The following CADM1 variants were observed in gnomAD, a reference collection of about 807,000 sequenced individuals.
CADM1 encodes TSLC-1.
A neutral mutation model predicts 53.1 loss-of-function variants in CADM1; 15 were observed. The ratio of observed to expected loss-of-function variants is 0.28; its 90% confidence interval spans 0.19 to 0.44. The LOEUF is 0.44. Among genes scored for constraint, CADM1 ranks in the 20% least tolerant of loss-of-function variants. The probability of loss-of-function intolerance (pLI) is 1.00; values close to 1 mark genes in which losing one functional copy is unlikely to be tolerated. For synonymous variants in CADM1, 281 were observed against 243.0 expected (o/e 1.16, Z -1.45); for missense variants, 434 against 611.3 (o/e 0.71, Z 3.06).
At chr11:115,282,607 C>T (rs146910575) in intron 1 of CADM1, among the ~76,000 whole-genome samples, 100 of 152,270 alleles carry the variant, frequency 6.6e-4, no homozygotes, top group African/African-American at 2.2e-3. Flanking sequence ...GCAATTTGCT[C>T]TCTGGGGAGC....
At chr11:115,446,033 G>C (rs1286426543) in intron 1 of CADM1, among the ~76,000 whole-genome samples, 2 of 152,124 alleles carry the variant, frequency 1.3e-5, no homozygotes, top group Non-Finnish European at 2.9e-5. Context: ...ATATTACTAA[G>C]TGCCTGTTAG....
intron 8 of CADM1, among the ~76,000 whole-genome samples, chr11:115,200,676 GT>G (rs1347176565): frequency 6.6e-6 from 1 of 152,136 alleles, no homozygotes; most frequent in Admixed American, 6.5e-5. Flanking sequence ...TGTATTTTTA[GT>G]GGAGACGGGG....
intron 5 of CADM1, 31 bp downstream of exon 5, chr11:115,229,082 C>G (rs1053710234): frequency 5.6e-6 from 9 of 1,611,032 alleles, no homozygotes; most frequent in Non-Finnish European, 7.6e-6. Context: ...TGCAACTCTA[C>G]GCCCTCAGAA....
intron 3 of CADM1, among the ~76,000 whole-genome samples, chr11:115,232,307 T>C (rs1257112043): frequency 1.3e-5 from 2 of 152,180 alleles, no homozygotes; most frequent in Non-Finnish European, 2.9e-5. Context: ...AGAAAAATTG[T>C]CTCAAACCAG....
chr11:115,427,911 G>C (rs1330283666), intron 1 of CADM1, among the ~76,000 whole-genome samples: 4 of 142,862 alleles, frequency 2.8e-5, no homozygotes, highest in Non-Finnish European at 6.0e-5. Context: ...AGAGGCTAAG[G>C]TAAGAGAATC....
intron 1 of CADM1, among the ~76,000 whole-genome samples, chr11:115,395,535 A>G (rs1946973496): frequency 1.3e-5 from 2 of 152,196 alleles, no homozygotes; most frequent in South Asian, 4.1e-4. Context: ...CAGTCCTTTA[A>G]GAAGGATTTG....
At chr11:115,301,961 A>G (rs1374319485) in intron 1 of CADM1, among the ~76,000 whole-genome samples, 1 of 152,134 alleles carries the variant, frequency 6.6e-6, no homozygotes, top group Non-Finnish European at 1.5e-5. Flanking sequence ...ATAAAATGTT[A>G]CTGTATAATT....
chr11:115,205,146 C>A (rs1169000953), intron 8 of CADM1, among the ~76,000 whole-genome samples: 2 of 152,052 alleles, frequency 1.3e-5, no homozygotes, highest in Non-Finnish European at 2.9e-5. Flanking sequence ...GAACTCCTCC[C>A]AGCCTGAATT....
intron 3 of CADM1, among the ~76,000 whole-genome samples, chr11:115,233,285 C>T (rs554733241): frequency 6.6e-6 from 1 of 152,160 alleles, no homozygotes; most frequent in African/African-American, 2.4e-5. Context: ...CAAAGAACTA[C>T]CCTAGTCTAC....
At chr11:115,465,455 C>T (rs567587956) in intron 1 of CADM1, among the ~76,000 whole-genome samples, 7 of 152,200 alleles carry the variant, frequency 4.6e-5, no homozygotes, top group Admixed American at 4.6e-4. Context: ...GCATATGACA[C>T]CCACAACCTT....
Position 115,173,659 on chromosome 11 carries a change from G to T in CADM1, c.*2815C>A. On this transcript the variant is annotated 3_prime_UTR_variant, in exon 12 of 12. Coordinates refer to ENST00000331581, the MANE Select transcript of CADM1 (RefSeq NM_001301043.2). ...AACATTAATTTTTTTTTATTAAGAA[G>T]ACAGATATTTTATAGTACTTCTTTT... is the stretch of plus-strand genomic sequence containing the variant. 4.8e-6 allele frequency: 2 copies of T among 417,992 alleles called. No individual in the cohort carries two copies. Among genetic ancestry groups the T allele is most frequent in the Non-Finnish European group, 6.4e-6 (2 of 311,692 alleles). 25.9% of individuals were successfully genotyped at this position (417,992 alleles called of 1,614,324 possible).
At chr11:115,338,163 A>G (rs1191204678) in intron 1 of CADM1, among the ~76,000 whole-genome samples, 2 of 152,138 alleles carry the variant, frequency 1.3e-5, no homozygotes, top group Non-Finnish European at 2.9e-5. Context: ...ATAACAGCTA[A>G]CACATGTACG....
intron 1 of CADM1, among the ~76,000 whole-genome samples, chr11:115,365,709 T>C (rs1049378506): frequency 1.3e-5 from 2 of 152,130 alleles, no homozygotes; most frequent in African/African-American, 4.8e-5. Context: ...ACCTCATATA[T>C]TAGCTAAGAT....
At chr11:115,498,394 G>T (rs1054478346) in intron 1 of CADM1, among the ~76,000 whole-genome samples, 1 of 152,154 alleles carries the variant, frequency 6.6e-6, no homozygotes, top group Non-Finnish European at 1.5e-5. Context: ...TACGAATGGG[G>T]TATCTCATAG....
rs183214086 is a variant in CADM1, at chr11:115,175,477, G to A, written c.*997C>T. 99 of 985,594 alleles carry A rather than the reference G, an allele frequency of 1.0e-4. No homozygotes were observed. The Admixed American group carries it at 2.5e-3, about 25-fold the overall frequency. 61.1% of individuals were successfully genotyped at this position (985,594 alleles called of 1,614,324 possible). A position where few individuals can be genotyped will look rare whatever the true frequency, so the allele number is the denominator to read the frequency against. On this transcript the variant is annotated 3_prime_UTR_variant, in exon 12 of 12. Transcript: ENST00000331581. The stretch of plus-strand genomic sequence containing the variant: ...TGAGAAGTAAGGCCGATTGGGAAAG[G>A]TGGATGGAATCATTTGGAACAGAAA...
chr11:115,304,298 T>G (rs1944306911), intron 1 of CADM1, among the ~76,000 whole-genome samples: 1 of 152,062 alleles, frequency 6.6e-6, no homozygotes, highest in Non-Finnish European at 1.5e-5. Context: ...TTATATTTTC[T>G]CAGGCTCATG....
chr11:115,184,432 A>C (rs1215364783), intron 10 of CADM1, among the ~76,000 whole-genome samples: 1 of 152,230 alleles, frequency 6.6e-6, no homozygotes, highest in Non-Finnish European at 1.5e-5. Context: ...CTCAGCACCA[A>C]TTCAATTATA....
chr11:115,423,881 G>A (rs1380944107), intron 1 of CADM1, among the ~76,000 whole-genome samples: 1 of 152,130 alleles, frequency 6.6e-6, no homozygotes, highest in East Asian at 1.9e-4. Context: ...GTTTTGTCTC[G>A]CTCTACTCTT....
At chr11:115,288,320 G>A (rs1475985774) in intron 1 of CADM1, among the ~76,000 whole-genome samples, 1 of 152,076 alleles carries the variant, frequency 6.6e-6, no homozygotes, top group African/African-American at 2.4e-5. Context: ...AGAAGTCCAG[G>A]AGAAAAAATT....
Sources: allele counts gnomAD v4.1 joint callset (sites outside exome capture counted in the v4.1 genomes callset), GRCh38; gene constraint gnomAD v4.1.1; transcripts MANE v1.5; gene names NCBI Gene and HGNC (gene_info 2026-07-23, HGNC 2026-07-21).